Variants in KIAA1217 observed in about 807,000 individuals in gnomAD.
The protein encoded by KIAA1217 is sickle tail protein homolog.
A neutral mutation model predicts 163.9 loss-of-function variants in KIAA1217; 88 were observed. The observed-to-expected ratio is 0.54, with a 90% CI of 0.45 to 0.64. The LOEUF (loss-of-function observed/expected upper bound fraction) is 0.64. Among genes scored for constraint, KIAA1217 ranks in the 30% least tolerant of loss-of-function variants. KIAA1217 has a pLI of 0.00. For synonymous variants in KIAA1217, 903 were observed against 923.1 expected (o/e 0.98, Z 0.39); for missense variants, 2,372 against 2,475.0 (o/e 0.96, Z 0.88).
intron 1 of KIAA1217, among the ~76,000 whole-genome samples, chr10:23,933,157 G>C (rs1021394777): frequency 6.6e-6 from 1 of 152,166 alleles, no homozygotes; most frequent in Non-Finnish European, 1.5e-5. Context: ...GTGGAGCTAG[G>C]GTCTGCTCGC....
intron 1 of KIAA1217, among the ~76,000 whole-genome samples, chr10:23,746,388 T>C (rs1485034489): frequency 6.6e-6 from 1 of 152,148 alleles, no homozygotes; most frequent in African/African-American, 2.4e-5. Flanking sequence ...CCCTTTTCTT[T>C]ATAGATTACC....
chr10:24,413,358 G>C (rs1366350471), intron 3 of KIAA1217, among the ~76,000 whole-genome samples: 2 of 152,130 alleles, frequency 1.3e-5, no homozygotes, highest in African/African-American at 4.8e-5. Context: ...TTTTAGTAGA[G>C]ACAGGGTTTC....
At chr10:23,919,811 G>A (rs1275470622) in intron 1 of KIAA1217, among the ~76,000 whole-genome samples, 1 of 152,084 alleles carries the variant, frequency 6.6e-6, no homozygotes, top group East Asian at 1.9e-4. Flanking sequence ...TGAATCTAGA[G>A]GAGCCTCTTC....
chr10:24,000,724 G>C lies in KIAA1217; in HGVS notation c.-320-6501G>C, dbSNP rs144280535. ...CCAAACACGCTGGAAAGATTGATGA[G>C]CATGAGAAAACACTGTCAGATTTAT... On this transcript the variant is annotated intron_variant, in intron 1 of 18. Transcript: ENST00000376462. 8.0e-3 allele frequency among the ~76,000 whole-genome samples: 1,212 copies of C among 152,338 alleles called. 20 individuals are homozygous for C. Among genetic ancestry groups the C allele is most frequent in the African/African-American group, 0.028 (1,169 of 41,572 alleles).
intron 1 of KIAA1217, among the ~76,000 whole-genome samples, chr10:23,762,953 A>G (rs1201493194): frequency 6.6e-6 from 1 of 152,202 alleles, no homozygotes; most frequent in Non-Finnish European, 1.5e-5. Flanking sequence ...AAACATCACA[A>G]GCATTCCTAT....
rs1401544778 is a variant in KIAA1217, at chr10:24,127,008, G to GA, written c.-170-92612dup. ...TTTTTGCAAGTCCAATAAAACACTT[G>GA]AAAAAATGTCTTTTTGTCAGTTATT... is the stretch of plus-strand genomic sequence containing the variant. On this transcript the variant is annotated intron_variant, in intron 2 of 18. Transcript: ENST00000376462. 2.6e-5 allele frequency among the ~76,000 whole-genome samples: 4 copies of GA among 152,004 alleles called. No individual in the cohort carries two copies. In the East Asian group the frequency reaches 7.7e-4, roughly 29 times the overall value.
chr10:24,080,762 C>A (rs1316875309), intron 2 of KIAA1217, among the ~76,000 whole-genome samples: 2 of 152,010 alleles, frequency 1.3e-5, no homozygotes, highest in African/African-American at 4.8e-5. Flanking sequence ...CTTTAAGAAA[C>A]AGCTTGTTCT....
Position 24,187,738 on chromosome 10 carries a change from A to T in KIAA1217, c.-170-31888A>T, listed in dbSNP as rs578035046. ...ACACCCCATCTCTACTAAAAAAACG[A>T]AATTAGCCAGGCACAGTGGCACATG... On this transcript the variant is annotated intron_variant, in intron 2 of 18. Transcript: ENST00000376462. Among the ~76,000 whole-genome samples the T allele has an allele frequency of 4.5e-4, 69 of 152,034 alleles. 1 individual carries two copies. The highest frequency in any genetic ancestry group is 1.6e-3 in the African/African-American group (65 of 41,454).
chr10:24,176,357 C>G (rs1393198388), intron 2 of KIAA1217, among the ~76,000 whole-genome samples: 1 of 152,040 alleles, frequency 6.6e-6, no homozygotes, highest in Non-Finnish European at 1.5e-5. Context: ...TCCAAGTCCC[C>G]ACTAGATTAG....
intron 1 of KIAA1217, among the ~76,000 whole-genome samples, chr10:23,722,580 T>C (rs1837928299): frequency 2.0e-5 from 3 of 152,226 alleles, no homozygotes; most frequent in Non-Finnish European, 2.9e-5. Context: ...GCTTCTTAAA[T>C]ATAGTCTGTT....
intron 2 of KIAA1217, among the ~76,000 whole-genome samples, chr10:24,378,865 A>G (rs1349553928): frequency 6.6e-6 from 1 of 152,162 alleles, no homozygotes; most frequent in African/African-American, 2.4e-5. Context: ...TTAGGAAGTG[A>G]GGGGAGAAAA....
intron 1 of KIAA1217, among the ~76,000 whole-genome samples, chr10:23,869,336 C>T (rs1294530589): frequency 1.3e-5 from 2 of 151,700 alleles, no homozygotes; most frequent in South Asian, 2.1e-4. Context: ...ATTAGGTCTC[C>T]GCTGAAATAA....
intron 3 of KIAA1217, among the ~76,000 whole-genome samples, chr10:24,413,213 T>C (rs2057953405): frequency 6.6e-6 from 1 of 152,186 alleles, no homozygotes; most frequent in Non-Finnish European, 1.5e-5. Context: ...TGAGATGGAC[T>C]CTCGCTCTGT....
intron 2 of KIAA1217, among the ~76,000 whole-genome samples, chr10:24,254,926 T>C (rs2074981113): frequency 1.3e-5 from 2 of 152,030 alleles, no homozygotes; most frequent in Admixed American, 1.3e-4. Context: ...TAATCTTGGC[T>C]CACAGCAACC....
chr10:23,851,383 G>A (rs1588947520), intron 1 of KIAA1217, among the ~76,000 whole-genome samples: 1 of 152,164 alleles, frequency 6.6e-6, no homozygotes, highest in Non-Finnish European at 1.5e-5. Context: ...TGATGTATAT[G>A]TGCCACATTT....
intron 5 of KIAA1217, chr10:24,466,538 T>G: frequency 1.0e-6 from 1 of 985,388 alleles, no homozygotes. Flanking sequence ...TCCATGCCAG[T>G]GTCAGCTTCT....
rs116437559 is a variant in KIAA1217, at chr10:24,017,390, G to C, written c.-171+10016G>C. Among the ~76,000 whole-genome samples the C allele has an allele frequency of 1.6e-3, 242 of 152,126 alleles. 1 individual carries two copies. The highest frequency in any genetic ancestry group is 5.5e-3 in the African/African-American group (230 of 41,522). On this transcript the variant is annotated intron_variant, in intron 2 of 18. Coordinates refer to the KIAA1217 transcript ENST00000376462. Reference sequence around the variant, plus strand: ...TCATATTTTTGATGCATGAAGTAGAGAGCCTTTCACTTCAATGTAAGGGGA... The same window carrying C: ...TCATATTTTTGATGCATGAAGTAGACAGCCTTTCACTTCAATGTAAGGGGA...
intron 2 of KIAA1217, among the ~76,000 whole-genome samples, chr10:24,368,222 G>A (rs548085601): frequency 3.3e-5 from 5 of 152,126 alleles, no homozygotes; most frequent in South Asian, 2.1e-4. Context: ...ATTTCCGTGC[G>A]CATGTATTGT....
chr10:23,958,652 TGAGAGAAA>T (rs1315380160), intron 1 of KIAA1217, among the ~76,000 whole-genome samples: 1 of 151,876 alleles, frequency 6.6e-6, no homozygotes, highest in Non-Finnish European at 1.5e-5. Flanking sequence ...TTCTGGAAAA[TGAGAGAAA>T]GAGAGAGAGA....
Sources: allele counts gnomAD v4.1 joint callset (sites outside exome capture counted in the v4.1 genomes callset), GRCh38; gene constraint gnomAD v4.1.1; transcripts MANE v1.5; gene names NCBI Gene and HGNC (gene_info 2026-07-23, HGNC 2026-07-21).